TMOD2: variants seen among roughly 807,000 people sequenced by gnomAD.
The protein encoded by TMOD2 is tropomodulin-2.
Under a neutral mutation model 39.9 loss-of-function variants are expected in TMOD2, and 22 were observed. That is an observed-to-expected ratio of 0.55 (90% CI 0.39 to 0.79). TMOD2 has a LOEUF of 0.79. Among genes scored for constraint, TMOD2 ranks in the 30% least tolerant of loss-of-function variants. The pLI is 0.00. For missense variants in TMOD2, 386 were observed against 413.3 expected (o/e 0.93, Z 0.57); for synonymous variants, 123 against 146.1 (o/e 0.84, Z 1.14).
At chr15:51,768,179 A>T in intron 2 of TMOD2, 83 bp from the exon 3 acceptor site, 3 of 1,489,178 alleles carry the variant, frequency 2.0e-6, no homozygotes, top group Non-Finnish European at 2.8e-6. Context: ...TCCCCAGCAC[A>T]TAGTGAGTGG....
intron 3 of TMOD2, among the ~76,000 whole-genome samples, chr15:51,773,162 A>G (rs1474422456): frequency 3.9e-5 from 6 of 152,168 alleles, no homozygotes; most frequent in Non-Finnish European, 7.4e-5. Flanking sequence ...ACCCAGCAGC[A>G]TGACCTGCCT....
rs2056186263 is a variant in TMOD2, at chr15:51,815,982, G to T, written c.*7528G>T. On this transcript the variant is annotated 3_prime_UTR_variant, in exon 10 of 10. Coordinates refer to ENST00000249700, the MANE Select transcript of TMOD2 (RefSeq NM_014548.4). ...AAGCAGTTATTGAAAACTCCGCATA[G>T]TTTTATTTTCCATTTGAAACTTCAA... The T allele has an allele frequency of 6.6e-6, 1 of 152,098 alleles. No homozygotes were observed. The highest frequency in any genetic ancestry group is 1.5e-5 in the Non-Finnish European group (1 of 68,004). 9.4% of individuals were successfully genotyped at this position (152,098 alleles called of 1,614,324 possible). A position where few individuals can be genotyped will look rare whatever the true frequency, so the allele number is the denominator to read the frequency against.
intron 7 of TMOD2, among the ~76,000 whole-genome samples, chr15:51,795,573 GCTTGCTTTCTTTCTTTCTTTCTTT>G (rs1410998210): frequency 6.8e-4 from 23 of 33,932 alleles, no homozygotes; most frequent in African/African-American, 1.6e-3. Flanking sequence ...CTGCTTGCTT[GCTTGCTTTCTTTCTTTCTTTCTTT>G]CTTTCTTTCT....
intron 7 of TMOD2, among the ~76,000 whole-genome samples, chr15:51,787,364 G>A (rs2055977893): frequency 6.6e-6 from 1 of 152,234 alleles, no homozygotes; most frequent in South Asian, 2.1e-4. Flanking sequence ...GAACTGGGCG[G>A]GGCCCACCAC....
intron 1 of TMOD2, among the ~76,000 whole-genome samples, chr15:51,758,295 T>C (rs2055756544): frequency 6.6e-6 from 1 of 152,218 alleles, no homozygotes; most frequent in Non-Finnish European, 1.5e-5. Flanking sequence ...AAGTATGACA[T>C]GGCACTTATT....
At chr15:51,797,262 G>A (rs1278404788) in intron 7 of TMOD2, among the ~76,000 whole-genome samples, 2 of 152,148 alleles carry the variant, frequency 1.3e-5, no homozygotes, top group African/African-American at 2.4e-5. Context: ...GTCACAGGTC[G>A]CAGCACCTTC....
intron 3 of TMOD2, among the ~76,000 whole-genome samples, chr15:51,770,604 T>G (rs2055846986): frequency 6.6e-6 from 1 of 152,128 alleles, no homozygotes; most frequent in Non-Finnish European, 1.5e-5. Flanking sequence ...CTCTGTATTG[T>G]GCACATTCAG....
At chr15:51,780,935 A>T in intron 5 of TMOD2, 109 bp from the exon 6 acceptor site, 1 of 841,126 alleles carries the variant, frequency 1.2e-6, no homozygotes, top group Non-Finnish European at 1.8e-6. Context: ...CATTGCTATT[A>T]AAGTGTTATT....
Position 51,781,040 on chromosome 15 carries a change from T to A in TMOD2, c.494-4T>A. 2 of 1,587,854 alleles carry A rather than the reference T, an allele frequency of 1.3e-6. No individual in the cohort carries two copies. The highest frequency in any genetic ancestry group is 1.7e-6 in the Non-Finnish European group (2 of 1,171,470). ...ATTTTTTAAAATGAAAACTTGTGTTTTAGATGTTGTCAAAGGTGAAAAAGT... is the reference window on the plus strand; with the variant it reads ...ATTTTTTAAAATGAAAACTTGTGTTATAGATGTTGTCAAAGGTGAAAAAGT... On this transcript the variant is annotated splice_region_variant and splice_polypyrimidine_tract_variant and intron_variant, in intron 5 of 9. Coordinates refer to ENST00000249700, the MANE Select transcript of TMOD2 (RefSeq NM_014548.4).
chr15:51,783,582 A>T (rs1041602506), intron 7 of TMOD2: 12 of 152,152 alleles, frequency 7.9e-5, no homozygotes, highest in Admixed American at 6.5e-5. Context: ...TCTGTGTTTG[A>T]CACCAGAATG....
At chr15:51,801,235 T>TCA (rs745892590) in intron 8 of TMOD2, among the ~76,000 whole-genome samples, 6,690 of 108,368 alleles carry the variant, frequency 0.062, 160 homozygotes, top group Non-Finnish European at 0.083. Context: ...TCTCTCTCTC[T>TCA]CTCACACACA....
At chr15:51,788,103 T>C (rs2055983419) in intron 7 of TMOD2, among the ~76,000 whole-genome samples, 1 of 152,088 alleles carries the variant, frequency 6.6e-6, no homozygotes, top group South Asian at 2.1e-4. Context: ...GCTAAAAAGG[T>C]TAGACGAATG....
At chr15:51,791,041 A>G (rs928278568) in intron 7 of TMOD2, among the ~76,000 whole-genome samples, 1 of 152,204 alleles carries the variant, frequency 6.6e-6, no homozygotes, top group Non-Finnish European at 1.5e-5. Flanking sequence ...AGGGTATTCA[A>G]ATAGGAATAG....
chr15:51,786,216 G>T (rs1176271574), intron 7 of TMOD2, among the ~76,000 whole-genome samples: 3 of 152,018 alleles, frequency 2.0e-5, no homozygotes, highest in Admixed American at 2.0e-4. Flanking sequence ...CCTTCTCAAG[G>T]GTAAGCTGAG....
intron 6 of TMOD2, among the ~76,000 whole-genome samples, chr15:51,782,288 A>G (rs2055936162): frequency 6.6e-6 from 1 of 152,248 alleles, no homozygotes; most frequent in South Asian, 2.1e-4. Flanking sequence ...AAAGGAGATG[A>G]TATTACATCT....
intron 1 of TMOD2, among the ~76,000 whole-genome samples, chr15:51,760,772 C>T (rs2055775178): frequency 6.6e-6 from 1 of 152,014 alleles, no homozygotes. Flanking sequence ...TGCCATTGCA[C>T]TCCAGCCTGG....
At chr15:51,774,974 C>G (rs1015979311) in intron 4 of TMOD2, among the ~76,000 whole-genome samples, 2 of 151,966 alleles carry the variant, frequency 1.3e-5, no homozygotes, top group African/African-American at 2.4e-5. Flanking sequence ...GAAAACTGTC[C>G]TCGTTCATCC....
At chr15:51,768,541 A>C in intron 3 of TMOD2, 123 bp downstream of exon 3, 3 of 995,036 alleles carry the variant, frequency 3.0e-6, no homozygotes, top group Non-Finnish European at 4.4e-6. Flanking sequence ...AAGCAAGGGA[A>C]CTGTCCCAGA....
chr15:51,774,840 A>G (rs2055876374), intron 4 of TMOD2, among the ~76,000 whole-genome samples: 2 of 152,120 alleles, frequency 1.3e-5, no homozygotes, highest in Admixed American at 1.3e-4. Flanking sequence ...CAGAGGGAGA[A>G]TGCAGGGCTG....
Sources: allele counts gnomAD v4.1 joint callset (sites outside exome capture counted in the v4.1 genomes callset), GRCh38; gene constraint gnomAD v4.1.1; transcripts MANE v1.5; gene names NCBI Gene and HGNC (gene_info 2026-07-23, HGNC 2026-07-21).